Variants in DDX55 observed in about 807,000 individuals in gnomAD.
DDX55 encodes the protein ATP-dependent RNA helicase DDX55.
A neutral mutation model predicts 69.2 loss-of-function variants in DDX55; 56 were observed. The observed-to-expected ratio is 0.81, with a 90% CI of 0.65 to 1.01. The LOEUF is 1.01. Among genes scored for constraint, DDX55 ranks in the 50% least tolerant of loss-of-function variants. The probability of loss-of-function intolerance (pLI) is 0.00; values close to 1 mark genes in which losing one functional copy is unlikely to be tolerated. For synonymous variants in DDX55, 268 were observed against 273.1 expected (o/e 0.98, Z 0.18); for missense variants, 720 against 745.1 (o/e 0.97, Z 0.39).
At chr12:123,615,727 G>A (rs1397309489) in intron 9 of DDX55, among the ~76,000 whole-genome samples, 2 of 152,188 alleles carry the variant, frequency 1.3e-5, no homozygotes, top group African/African-American at 4.8e-5. Flanking sequence ...GCTCACGCCT[G>A]TAATCCCAGC....
At chr12:123,606,749 T>G (rs1484079118) in intron 3 of DDX55, among the ~76,000 whole-genome samples, 1 of 152,016 alleles carries the variant, frequency 6.6e-6, no homozygotes, top group African/African-American at 2.4e-5. Context: ...GACCATCATG[T>G]CTGGGTCATT....
At chr12:123,615,732 C>T (rs1167365931) in intron 9 of DDX55, among the ~76,000 whole-genome samples, 1 of 152,152 alleles carries the variant, frequency 6.6e-6, no homozygotes, top group Non-Finnish European at 1.5e-5. Context: ...CGCCTGTAAT[C>T]CCAGCACTTT....
In DDX55 at chr12:123,608,791, T is replaced by A; in HGVS notation, c.513T>A (p.Asp171Glu). 4 of 1,614,172 alleles carry A rather than the reference T, an allele frequency of 2.5e-6. No individual in the cohort carries two copies. Among genetic ancestry groups the A allele is most frequent in the Non-Finnish European group, 3.4e-6 (4 of 1,180,036 alleles). The stretch of plus-strand genomic sequence containing the variant: ...GATCCCTGGATGTCCTGGTGTTGGA[T>A]GAGGCAGACAGACTTCTGGACATGG... ...CVRSLDVLVL[D>E]EADRLLDMGF... Residue 171 changes from aspartate to glutamate, a missense_variant, in exon 6 of 14, where the codon GAT becomes GAA. Coordinates refer to ENST00000238146, the MANE Select transcript of DDX55 (RefSeq NM_020936.3).
At position 123,617,780 on chromosome 12, in the gene DDX55, C is replaced by T. The variant is rs773832349; in HGVS notation, c.1072C>T (p.Arg358Cys). ...CAGTGCCTTCGTGCATCGCTGCGGTCGCACAGCTCGCATTGGCCACGGGGG... is the reference window on the plus strand; with the variant it reads ...CAGTGCCTTCGTGCATCGCTGCGGTTGCACAGCTCGCATTGGCCACGGGGG... The part of the protein sequence containing the change: ...NASAFVHRCG[R>C]TARIGHGGSA... The change falls in exon 11 of 14, where the codon CGC (arginine) becomes TGC (cysteine). Residue 358 changes from arginine (R) to cysteine (C), a missense_variant. By Grantham distance (180) the Arg-to-Cys change is radical. Coordinates refer to ENST00000238146, the MANE Select transcript of DDX55 (RefSeq NM_020936.3). 36 of 1,612,958 alleles carry T rather than the reference C, an allele frequency of 2.2e-5. No homozygotes were observed. The highest frequency in any genetic ancestry group is 1.1e-4 in the South Asian group (10 of 90,988).
intron 1 of DDX55, 48 bp downstream of exon 1, chr12:123,602,304 A>G: frequency 6.8e-7 from 1 of 1,480,884 alleles, no homozygotes; most frequent in East Asian, 2.5e-5. Flanking sequence ...AGGGGCAGGC[A>G]CCCGCTGCAT....
chr12:123,614,927 A>G (rs1954538919), intron 8 of DDX55, among the ~76,000 whole-genome samples: 1 of 152,212 alleles, frequency 6.6e-6, no homozygotes, highest in African/African-American at 2.4e-5. Flanking sequence ...GAACATCTTT[A>G]GACAGTAAAA....
At chr12:123,612,908 T>G (rs990208755) in intron 7 of DDX55, among the ~76,000 whole-genome samples, 1 of 152,098 alleles carries the variant, frequency 6.6e-6, no homozygotes, top group African/African-American at 2.4e-5. Flanking sequence ...ATATTGGGAT[T>G]GGGAGTTGGG....
chr12:123,619,062 G>T (rs1954932272), intron 12 of DDX55, among the ~76,000 whole-genome samples: 1 of 152,234 alleles, frequency 6.6e-6, no homozygotes, highest in African/African-American at 2.4e-5. Context: ...GAGCGCAGTG[G>T]CGCGATCTCG....
intron 5 of DDX55, 44 bp from the exon 6 acceptor site, chr12:123,608,636 C>G: frequency 6.2e-7 from 1 of 1,600,666 alleles, no homozygotes; most frequent in Non-Finnish European, 8.5e-7. Flanking sequence ...AACCACATTC[C>G]CAAGATCCAG....
At position 123,609,980 on chromosome 12, in the gene DDX55, C is replaced by T; in HGVS notation, c.593C>T (p.Thr198Ile). The change falls in exon 7 of 14, where the codon ACA becomes ATA. Residue 198 changes from threonine (T) to isoleucine (I), a missense_variant. Coordinates refer to ENST00000238146, the MANE Select transcript of DDX55 (RefSeq NM_020936.3). ...ILEFLPKQRRTGLFSATQTQE... is the reference protein window; with the variant it reads ...ILEFLPKQRRIGLFSATQTQE... ...GAGTTTTTGCCAAAGCAGAGGAGAA[C>T]AGGCCTTTTCTCTGCCACTCAGACG... 6.2e-7 allele frequency: 1 copy of T among 1,614,142 alleles called. No homozygotes were observed. Among genetic ancestry groups the T allele is most frequent in the African/African-American group, 1.3e-5 (1 of 75,052 alleles).
At chr12:123,614,938 T>C (rs1954540201) in intron 8 of DDX55, among the ~76,000 whole-genome samples, 1 of 152,214 alleles carries the variant, frequency 6.6e-6, no homozygotes, top group Non-Finnish European at 1.5e-5. Context: ...GACAGTAAAA[T>C]ATGTCCTTGG....
chr12:123,607,324 C>A, intron 3 of DDX55, 108 bp from the exon 4 acceptor site: 1 of 1,208,562 alleles, frequency 8.3e-7, no homozygotes, highest in Admixed American at 2.2e-5. Flanking sequence ...CTGGGAACTA[C>A]TGTTTCTCTG....
In DDX55 at chr12:123,605,851, C is replaced by T. The variant is rs147500930; in HGVS notation, c.109-80C>T. The T allele has an allele frequency of 3.1e-3, 4,936 of 1,591,754 alleles. 11 individuals are homozygous for T. The highest frequency in any genetic ancestry group is 3.6e-3 in the Non-Finnish European group (4,198 of 1,160,098). On this transcript the variant is annotated intron_variant, in intron 1 of 13. Coordinates refer to ENST00000238146, the MANE Select transcript of DDX55 (RefSeq NM_020936.3). ...GGGACCCACTGTGACCTTAGCTGCCCATTATGTTCCTAGGGCTTCGGGTCT... is the reference window on the plus strand; with the variant it reads ...GGGACCCACTGTGACCTTAGCTGCCTATTATGTTCCTAGGGCTTCGGGTCT...
chr12:123,607,019 T>C (rs1953933989), intron 3 of DDX55, among the ~76,000 whole-genome samples: 1 of 152,222 alleles, frequency 6.6e-6, no homozygotes, highest in Non-Finnish European at 1.5e-5. Flanking sequence ...AGCTAAGGCA[T>C]GAGTTAATGT....
intron 7 of DDX55, among the ~76,000 whole-genome samples, chr12:123,612,832 AAAAG>A (rs1954357505): frequency 7.0e-6 from 1 of 142,128 alleles, no homozygotes; most frequent in Non-Finnish European, 1.5e-5. Context: ...TGAAAAAAAA[AAAAG>A]AAGAAAAAAA....
At chr12:123,611,532 C>G (rs1954244349) in intron 7 of DDX55, among the ~76,000 whole-genome samples, 1 of 152,176 alleles carries the variant, frequency 6.6e-6, no homozygotes, top group Non-Finnish European at 1.5e-5. Context: ...GGAGGGGTTC[C>G]CTAGCTCCTG....
At chr12:123,615,066 C>T in intron 8 of DDX55, 119 bp from the exon 9 acceptor site, 1 of 1,369,848 alleles carries the variant, frequency 7.3e-7, no homozygotes, top group Non-Finnish European at 1.0e-6. Flanking sequence ...CTTGTCATTC[C>T]CCTAGGGAGG....
At chr12:123,616,217 G>A (rs918163257) in intron 9 of DDX55, among the ~76,000 whole-genome samples, 1 of 152,140 alleles carries the variant, frequency 6.6e-6, no homozygotes, top group East Asian at 1.9e-4. Context: ...TGAATTGTCC[G>A]TTGTTTTTCA....
Position 123,608,790 on chromosome 12 carries a change from A to T in DDX55, c.512A>T (p.Asp171Val). The T allele has an allele frequency of 3.7e-6, 6 of 1,614,156 alleles. No individual in the cohort carries two copies. Among genetic ancestry groups the T allele is most frequent in the Non-Finnish European group, 5.1e-6 (6 of 1,180,028 alleles). ...CGATCCCTGGATGTCCTGGTGTTGG[A>T]TGAGGCAGACAGACTTCTGGACATG... is the stretch of plus-strand genomic sequence containing the variant. Reference protein sequence around the residue: ...CVRSLDVLVLDEADRLLDMGF... With the variant: ...CVRSLDVLVLVEADRLLDMGF... The change falls in exon 6 of 14, where the codon GAT becomes GTT. Residue 171 changes from aspartate (D) to valine (V), a missense_variant. Transcript: ENST00000238146.
Sources: gnomAD v4.1 joint callset for allele counts (sites outside exome capture counted in the v4.1 genomes callset) on GRCh38, gnomAD v4.1.1 for gene constraint, MANE v1.5 for transcripts, NCBI Gene and HGNC (gene_info 2026-07-23, HGNC 2026-07-21) for gene names.